GAB4: variants seen among roughly 807,000 people sequenced by gnomAD.
The protein encoded by GAB4 is GRB2-associated-binding protein 4.
GAB4 carries 26 observed loss-of-function variants against 51.3 expected under a neutral mutation model. The ratio of observed to expected loss-of-function variants is 0.51; its 90% CI spans 0.37 to 0.70. GAB4 has a LOEUF of 0.70. GAB4 is among the 30% of genes least tolerant of loss of function. The probability of loss-of-function intolerance (pLI) is 0.00; values close to 1 mark genes in which losing one functional copy is unlikely to be tolerated. For synonymous variants in GAB4, 329 were observed against 291.2 expected (o/e 1.13, Z -1.32); for missense variants, 759 against 734.6 (o/e 1.03, Z -0.38).
At chr22:17,004,049 A>G (rs1246981898) in intron 1 of GAB4, among the ~76,000 whole-genome samples, 3 of 152,226 alleles carry the variant, frequency 2.0e-5, no homozygotes, top group South Asian at 2.1e-4. Flanking sequence ...AAACACCTCT[A>G]TGCAAATAAA....
rs1601241259 is a variant in GAB4, at chr22:16,962,891, G to A, written c.1582-15C>T. The A allele has an allele frequency of 6.2e-7, 1 of 1,606,866 alleles. No homozygotes were observed. The highest frequency in any genetic ancestry group is 1.7e-5 in the Admixed American group (1 of 59,756). On this transcript the variant is annotated splice_polypyrimidine_tract_variant and intron_variant, in intron 9 of 9. Coordinates refer to ENST00000400588, the MANE Select transcript of GAB4 (RefSeq NM_001037814.1). ...CCTATGGATGGCTGAGGGACAGAGG[G>A]TGGAAGTGGGAGTGGCAGTGTCTGT...
intron 2 of GAB4, among the ~76,000 whole-genome samples, chr22:16,990,126 G>C (rs1438308905): frequency 2.0e-5 from 3 of 152,138 alleles, no homozygotes; most frequent in African/African-American, 7.2e-5. Context: ...CTGTCCTTAT[G>C]GCATTGCTCA....
intron 3 of GAB4, among the ~76,000 whole-genome samples, chr22:16,982,372 A>G (rs911431352): frequency 4.6e-5 from 7 of 152,238 alleles, no homozygotes; most frequent in African/African-American, 1.7e-4. Flanking sequence ...TAGTATTTCT[A>G]TATGTCAACA....
intron 1 of GAB4, among the ~76,000 whole-genome samples, chr22:16,998,619 TA>T (rs1297798940): frequency 6.6e-6 from 1 of 152,246 alleles, no homozygotes; most frequent in Admixed American, 6.5e-5. Context: ...CCTCTTTTTC[TA>T]ATTGAATACC....
chr22:16,989,722 G>A (rs2060898324), intron 2 of GAB4, among the ~76,000 whole-genome samples: 1 of 152,226 alleles, frequency 6.6e-6, no homozygotes, highest in African/African-American at 2.4e-5. Context: ...CAGGGAGGGT[G>A]CAGCCTGGGA....
At chr22:17,002,542 T>C (rs553840322) in intron 1 of GAB4, among the ~76,000 whole-genome samples, 2 of 149,738 alleles carry the variant, frequency 1.3e-5, no homozygotes, top group Non-Finnish European at 3.0e-5. Context: ...ACAGGCAAAA[T>C]AACCAGCTAG....
chr22:16,964,812 A>G lies in GAB4; in HGVS notation c.1430T>C (p.Ile477Thr), dbSNP rs1177948578. Residue 477 changes from isoleucine (I) to threonine (T), a missense_variant, in exon 8 of 10, where the codon ATC (isoleucine) becomes ACC (threonine). Physicochemically the swap from Ile to Thr is moderately conservative, Grantham distance 89. This residue lies in a region of GAB4 where 588 missense variants were observed against 510.2 expected (regional missense o/e 1.15). Coordinates refer to ENST00000400588, the MANE Select transcript of GAB4 (RefSeq NM_001037814.1). Reference protein sequence around the residue: ...SSQHPISTQSITNTDSEDSGE... With the variant: ...SSQHPISTQSTTNTDSEDSGE... ...ACTGTCTTCTGAGTCTGTGTTGGTG[A>G]TGCTCTGCGTGGAGATGGGGTGTTG... The G allele has an allele frequency of 6.2e-7, 1 of 1,614,014 alleles. No homozygotes were observed. The highest frequency in any genetic ancestry group is 2.2e-5 in the East Asian group (1 of 44,872).
At chr22:16,975,213 C>T (rs978289001) in intron 3 of GAB4, among the ~76,000 whole-genome samples, 4 of 152,182 alleles carry the variant, frequency 2.6e-5, no homozygotes, top group African/African-American at 7.2e-5. Context: ...TGGTTTTTAG[C>T]TCAGGGGATC....
chr22:16,977,600 A>C (rs1449957623), intron 3 of GAB4, among the ~76,000 whole-genome samples: 1 of 152,220 alleles, frequency 6.6e-6, no homozygotes, highest in Non-Finnish European at 1.5e-5. Flanking sequence ...CCCACTGTCA[A>C]TATTAGACTG....
In GAB4 at chr22:16,970,185, C is replaced by T. The variant is rs1201344783; in HGVS notation, c.695G>A (p.Ser232Asn). ...TGGGGCCTCAGAACCCTGGGAGAAG[C>T]TGGCACTCCTAAGAGAGAGAAAGAA... Reference protein sequence around the residue: ...SQRAEHARSASFSQGSEAPFI... With the variant: ...SQRAEHARSANFSQGSEAPFI... The change falls in exon 4 of 10, where the codon AGC becomes AAC. Residue 232 changes from serine to asparagine, a missense_variant. Physicochemically the swap from Ser to Asn is conservative, Grantham distance 46 (BLOSUM62 1). This residue lies in a region of GAB4 where 588 missense variants were observed against 510.2 expected (regional missense o/e 1.15). Transcript: ENST00000400588. The T allele has an allele frequency of 6.2e-7, 1 of 1,613,956 alleles. No individual in the cohort carries two copies. Among genetic ancestry groups the T allele is most frequent in the Non-Finnish European group, 8.5e-7 (1 of 1,180,004 alleles).
rs1435542631 is a variant in GAB4 at position 16,966,523 on chromosome 22, G to A, written c.1024-159C>T. 3 of 741,852 alleles carry A rather than the reference G, an allele frequency of 4.0e-6. No homozygotes were observed. The Admixed American group carries it at 8.8e-5, about 22-fold the overall frequency. The allele number at this position is 741,852 out of a possible 1,614,324, so 46.0% of individuals were successfully genotyped here. On this transcript the variant is annotated intron_variant, in intron 5 of 9. Transcript: ENST00000400588. Reference sequence around the variant, plus strand: ...CTGCTGTCTTCAGCAGCCACCTGCGGCCCAGATAGAAGTGCCCCAGCCAGG... The same window carrying A: ...CTGCTGTCTTCAGCAGCCACCTGCGACCCAGATAGAAGTGCCCCAGCCAGG...
At chr22:16,989,963 C>A (rs1282890476) in intron 2 of GAB4, among the ~76,000 whole-genome samples, 1 of 152,198 alleles carries the variant, frequency 6.6e-6, no homozygotes, top group African/African-American at 2.4e-5. Flanking sequence ...AAGGCAGACA[C>A]CCCACAAGCA....
intron 3 of GAB4, among the ~76,000 whole-genome samples, chr22:16,976,900 A>C (rs969897817): frequency 3.9e-5 from 6 of 152,336 alleles, no homozygotes; most frequent in African/African-American, 1.4e-4. Context: ...TCAACCCAGA[A>C]TTTCATATCC....
Position 16,970,177 on chromosome 22 carries a change from G to T in GAB4, c.703C>A (p.Gln235Lys). The T allele has an allele frequency of 6.2e-7, 1 of 1,614,104 alleles. No homozygotes were observed. Among genetic ancestry groups the T allele is most frequent in the Non-Finnish European group, 8.5e-7 (1 of 1,180,008 alleles). ...ATGATGAATGGGGCCTCAGAACCCT[G>T]GGAGAAGCTGGCACTCCTAAGAGAG... ...AEHARSASFSQGSEAPFIMRR... is the reference protein window; with the variant it reads ...AEHARSASFSKGSEAPFIMRR... Residue 235 changes from glutamine to lysine, a missense_variant, in exon 4 of 10, where the codon CAG becomes AAG. Gln to Lys is a moderately conservative substitution (Grantham distance 53, BLOSUM62 1). Coordinates refer to ENST00000400588, the MANE Select transcript of GAB4 (RefSeq NM_001037814.1).
intron 3 of GAB4, among the ~76,000 whole-genome samples, chr22:16,986,973 C>G (rs1167774816): frequency 6.6e-6 from 1 of 152,170 alleles, no homozygotes; most frequent in Non-Finnish European, 1.5e-5. Flanking sequence ...CACCTGGGTT[C>G]TAGTCCCGCC....
rs1029124719 is a variant in GAB4 at position 16,992,192 on chromosome 22, G to C, written c.175-16C>G. 5.0e-6 allele frequency: 8 copies of C among 1,592,684 alleles called. No individual in the cohort carries two copies. The highest frequency in any genetic ancestry group is 6.9e-6 in the Non-Finnish European group (8 of 1,167,370). On this transcript the variant is annotated splice_polypyrimidine_tract_variant and intron_variant, in intron 1 of 9. Coordinates refer to ENST00000400588, the MANE Select transcript of GAB4 (RefSeq NM_001037814.1). ...TCCTCCAGGCCTAAGGAAGGAGTAA[G>C]AAGAGGGGAAGCATGCATTTGTTAT... is the stretch of plus-strand genomic sequence containing the variant.
Position 17,008,179 on chromosome 22 carries a change from G to A in GAB4, c.-65C>T, listed in dbSNP as rs2061060307. The A allele has an allele frequency of 1.7e-6, 2 of 1,177,086 alleles. No individual in the cohort carries two copies. The highest frequency in any genetic ancestry group is 2.4e-6 in the Non-Finnish European group (2 of 818,052). The allele number at this position is 1,177,086 out of a possible 1,614,324, so 72.9% of individuals were successfully genotyped here. On this transcript the variant is annotated 5_prime_UTR_variant, in exon 1 of 10. Coordinates refer to ENST00000400588, the MANE Select transcript of GAB4 (RefSeq NM_001037814.1). ...GAGAGGGCGTTGCTGGAGGTGGGGT[G>A]TGAGGGACGGCTTGCGATACCCTGG...
chr22:16,981,250 C>A (rs1427792441), intron 3 of GAB4, among the ~76,000 whole-genome samples: 30 of 149,458 alleles, frequency 2.0e-4, no homozygotes, highest in East Asian at 7.9e-4. Flanking sequence ...TAAGAAAAAA[C>A]CAAACCCCAA....
chr22:17,000,774 G>A (rs931143356), intron 1 of GAB4, among the ~76,000 whole-genome samples: 1 of 152,166 alleles, frequency 6.6e-6, no homozygotes, highest in Admixed American at 6.6e-5. Flanking sequence ...CAGTGGCTGT[G>A]CAAAGGTTGT....
Sources: gnomAD v4.1 joint callset for allele counts (sites outside exome capture counted in the v4.1 genomes callset) on GRCh38, gnomAD v4.1.1 for gene constraint, gnomAD v4.1.1 regional missense constraint, MANE v1.5 for transcripts, NCBI Gene and HGNC (gene_info 2026-07-23, HGNC 2026-07-21) for gene names.